Variants in OSBP observed in about 807,000 individuals in gnomAD.
The protein encoded by OSBP is oxysterol-binding protein 1.
OSBP carries 32 observed loss-of-function variants against 96.6 expected under a neutral mutation model. The observed-to-expected ratio is 0.33, with a 90% CI of 0.25 to 0.45. The LOEUF is 0.45. Ranked by LOEUF, OSBP falls within the 20% of genes least tolerant of loss-of-function variation. OSBP has a pLI of 1.00. For missense variants in OSBP, 653 were observed against 1,029.7 expected (o/e 0.63, Z 5.01); for synonymous variants, 369 against 389.6 (o/e 0.95, Z 0.62).
intron 7 of OSBP, 70 bp downstream of exon 7, chr11:59,600,426 A>T: frequency 6.5e-7 from 1 of 1,533,570 alleles, no homozygotes; most frequent in Non-Finnish European, 8.8e-7. Flanking sequence ...TGGGGCTGTC[A>T]TATCAGCACT....
chr11:59,580,125 C>T, intron 11 of OSBP, 49 bp downstream of exon 11: 1 of 1,244,970 alleles, frequency 8.0e-7, no homozygotes, highest in Non-Finnish European at 1.2e-6. Flanking sequence ...AGTATGCTTT[C>T]TAAGAGATAC....
chr11:59,593,960 C>T (rs1260306069), intron 8 of OSBP, 50 bp downstream of exon 8: 1 of 1,597,532 alleles, frequency 6.3e-7, no homozygotes, highest in Non-Finnish European at 8.5e-7. Context: ...ACCAAAAAAT[C>T]ATCTCTTTCT....
intron 9 of OSBP, among the ~76,000 whole-genome samples, chr11:59,587,614 T>C (rs1860516813): frequency 6.6e-6 from 1 of 152,088 alleles, no homozygotes; most frequent in Non-Finnish European, 1.5e-5. Flanking sequence ...ATTAGATAAA[T>C]GCATGTCAAA....
rs966010177 is a variant in OSBP at position 59,581,385 on chromosome 11, C to T, written c.1782+66G>A. 1.6e-5 allele frequency: 14 copies of T among 888,710 alleles called. No individual in the cohort carries two copies. The African/African-American group carries it at 2.3e-4, about 15-fold the overall frequency. The allele number at this position is 888,710 out of a possible 1,614,324, so 55.1% of individuals were successfully genotyped here. ...GAGACCAGTTCACATGTCCTAAATA[C>T]TGCAGAAATATACCTAAAGAAGTAT... On this transcript the variant is annotated intron_variant, in intron 10 of 13. Coordinates refer to ENST00000263847, the MANE Select transcript of OSBP (RefSeq NM_002556.3).
chr11:59,591,827 G>A (rs943034249), intron 9 of OSBP, among the ~76,000 whole-genome samples: 1 of 151,824 alleles, frequency 6.6e-6, no homozygotes, highest in Non-Finnish European at 1.5e-5. Flanking sequence ...CACCATGTTG[G>A]CCAGGCTGGT....
intron 9 of OSBP, 153 bp downstream of exon 9, chr11:59,593,451 G>T: frequency 2.7e-6 from 2 of 744,722 alleles, no homozygotes; most frequent in South Asian, 3.6e-5. Flanking sequence ...TTTGATAGCT[G>T]AAAAGTTAAA....
At chr11:59,592,223 G>A (rs1006412910) in intron 9 of OSBP, among the ~76,000 whole-genome samples, 1 of 152,222 alleles carries the variant, frequency 6.6e-6, no homozygotes, top group Non-Finnish European at 1.5e-5. Flanking sequence ...CCTTGGTAAA[G>A]ATCAAGACTG....
chr11:59,590,031 T>C (rs1252612010), intron 9 of OSBP, among the ~76,000 whole-genome samples: 1 of 152,228 alleles, frequency 6.6e-6, no homozygotes, highest in Non-Finnish European at 1.5e-5. Flanking sequence ...GCCTTCATTA[T>C]TTGGAAACTT....
intron 12 of OSBP, 107 bp from the exon 13 acceptor site, chr11:59,577,132 A>G: frequency 1.2e-6 from 1 of 853,340 alleles, no homozygotes; most frequent in Non-Finnish European, 1.8e-6. Flanking sequence ...AGGCTGTTCT[A>G]CAAAAACAGG....
chr11:59,612,755 G>A (rs1860867096), intron 1 of OSBP, among the ~76,000 whole-genome samples: 1 of 152,172 alleles, frequency 6.6e-6, no homozygotes, highest in Non-Finnish European at 1.5e-5. Context: ...GTTCTTCCCT[G>A]AAAAGGCTAG....
chr11:59,586,472 T>C (rs990696777), intron 9 of OSBP, among the ~76,000 whole-genome samples: 1 of 152,344 alleles, frequency 6.6e-6, no homozygotes, highest in Admixed American at 6.5e-5. Context: ...GTTAAGGTTG[T>C]CAATGCCACC....
At chr11:59,590,288 T>C (rs1430794362) in intron 9 of OSBP, among the ~76,000 whole-genome samples, 2 of 152,206 alleles carry the variant, frequency 1.3e-5, no homozygotes, top group African/African-American at 4.8e-5. Flanking sequence ...CAGACCTCAG[T>C]GAGACTATTA....
At chr11:59,591,376 T>G (rs1252735807) in intron 9 of OSBP, among the ~76,000 whole-genome samples, 1 of 152,112 alleles carries the variant, frequency 6.6e-6, no homozygotes, top group African/African-American at 2.4e-5. Flanking sequence ...TACTCTTCCT[T>G]TGGTATTTGT....
Position 59,601,776 on chromosome 11 carries a change from C to G in OSBP, c.885G>C (p.Gln295His). 1 of 1,614,188 alleles carries G rather than the reference C, an allele frequency of 6.2e-7. No homozygotes were observed. The highest frequency in any genetic ancestry group is 8.5e-7 in the Non-Finnish European group (1 of 1,180,026). Residue 295 changes from glutamine (Q) to histidine (H), a missense_variant, in exon 4 of 14, where the codon CAG becomes CAC. Around this residue, in one of 6 missense-constraint regions of OSBP, gnomAD observed 308 missense variants for 573.1 expected, o/e 0.54. Transcript: ENST00000263847. ...THSKKWQKSLQYERDQRIRLE... is the reference protein window; with the variant it reads ...THSKKWQKSLHYERDQRIRLE... ...GTCGGATACGCTGGTCTCTTTCATA[C>G]TGTAGTGACTTTTGCCATTTTTTAC...
At chr11:59,611,492 T>G (rs1860847133) in intron 1 of OSBP, among the ~76,000 whole-genome samples, 1 of 152,216 alleles carries the variant, frequency 6.6e-6, no homozygotes, top group East Asian at 1.9e-4. Context: ...CAGCCCAATG[T>G]TACATCATGC....
chr11:59,610,197 G>A (rs567310421), intron 2 of OSBP, among the ~76,000 whole-genome samples, 184 bp downstream of exon 2: 1 of 152,236 alleles, frequency 6.6e-6, no homozygotes, highest in Non-Finnish European at 1.5e-5. Context: ...ATGTCCCCTG[G>A]GGAGGAGAAT....
At chr11:59,583,642 T>G (rs996346262) in intron 9 of OSBP, among the ~76,000 whole-genome samples, 173 of 133,080 alleles carry the variant, frequency 1.3e-3, no homozygotes, top group Middle Eastern at 3.5e-3. Flanking sequence ...CTGTTTTTTT[T>G]TTTTTTTTTT....
intron 6 of OSBP, 78 bp from the exon 7 acceptor site, chr11:59,600,705 CT>C: frequency 6.6e-7 from 1 of 1,512,780 alleles, no homozygotes; most frequent in South Asian, 1.2e-5. Context: ...TTCCCCCGTG[CT>C]AAAAAAAGAA....
chr11:59,597,751 G>A (rs1333962199), intron 7 of OSBP, among the ~76,000 whole-genome samples: 2 of 152,148 alleles, frequency 1.3e-5, no homozygotes, highest in African/African-American at 4.8e-5. Flanking sequence ...TGTTGTCAAG[G>A]CTGGAATGTA....
Sources: gnomAD v4.1 joint callset for allele counts (sites outside exome capture counted in the v4.1 genomes callset) on GRCh38, gnomAD v4.1.1 for gene constraint, gnomAD v4.1.1 regional missense constraint, MANE v1.5 for transcripts, NCBI Gene and HGNC (gene_info 2026-07-23, HGNC 2026-07-21) for gene names.